The following LPP variants were observed in gnomAD, a reference collection of about 807,000 sequenced individuals.
LPP encodes lipoma-preferred partner.
In LPP, 38 loss-of-function variants were observed where a neutral mutation model predicts 60.4. That is an observed-to-expected ratio of 0.63 (90% CI 0.49 to 0.83). The LOEUF is 0.83. LPP is among the 40% of genes least tolerant of loss of function. LPP has a pLI of 0.00. For missense variants in LPP, 902 were observed against 783.6 expected (o/e 1.15, Z -1.80); for synonymous variants, 328 against 290.8 (o/e 1.13, Z -1.30).
At chr3:188,713,653 C>T (rs1254775) in intron 8 of LPP, among the ~76,000 whole-genome samples, 151,814 of 152,300 alleles carry the variant, frequency 1, 75,664 homozygotes, top group Non-Finnish European at 1. Context: ...GACAGATATA[C>T]GTAGACAAAC....
chr3:188,224,313 G>A (rs2149310846), intron 1 of LPP, among the ~76,000 whole-genome samples: 1 of 152,222 alleles, frequency 6.6e-6, no homozygotes, highest in Admixed American at 6.5e-5. Context: ...TGTATGATTG[G>A]CTAGGTAATG....
intron 9 of LPP, among the ~76,000 whole-genome samples, chr3:188,800,472 C>G (rs1336638271): frequency 6.6e-6 from 1 of 152,008 alleles, no homozygotes; most frequent in Non-Finnish European, 1.5e-5. Context: ...GTCTCCATCT[C>G]CTGACCTCGT....
chr3:188,818,234 CT>C (rs570926174), intron 9 of LPP, among the ~76,000 whole-genome samples: 192 of 152,178 alleles, frequency 1.3e-3, no homozygotes, highest in African/African-American at 4.4e-3. Context: ...ATTAATCCTC[CT>C]TTTTTTCCCC....
chr3:188,278,454 T>C (rs1420924522), intron 2 of LPP, among the ~76,000 whole-genome samples: 1 of 152,214 alleles, frequency 6.6e-6, no homozygotes, highest in Admixed American at 6.5e-5. Flanking sequence ...AGACCTGCTG[T>C]GTGTGCTATA....
chr3:188,556,245 A>T (rs79587620), intron 6 of LPP, among the ~76,000 whole-genome samples: 2,919 of 152,202 alleles, frequency 0.019, 89 homozygotes, highest in African/African-American at 0.063. Flanking sequence ...AGGGCTCTGG[A>T]GTTGCCCTGT....
intron 3 of LPP, among the ~76,000 whole-genome samples, chr3:188,404,591 G>A (rs1374817289): frequency 1.3e-5 from 2 of 152,088 alleles, no homozygotes; most frequent in Non-Finnish European, 1.5e-5. Context: ...AGGCGATGCC[G>A]TTCAAAGTCA....
rs376579887 is a variant in LPP, at chr3:188,485,594, G to A, written c.306+890G>A. ...GGGCGGATCACGAGGTCAGGAGATC[G>A]AGACCATCCCGGCTAAAACGGTGAA... On this transcript the variant is annotated intron_variant, in intron 5 of 11. Transcript: ENST00000617246. 5.3e-4 allele frequency among the ~76,000 whole-genome samples: 81 copies of A among 151,664 alleles called. 2 individuals carry two copies. The highest frequency in any genetic ancestry group is 1.9e-3 in the African/African-American group (77 of 41,330).
intron 4 of LPP, among the ~76,000 whole-genome samples, chr3:188,451,235 T>C (rs577836043): frequency 6.6e-6 from 1 of 152,294 alleles, no homozygotes; most frequent in Admixed American, 6.5e-5. Flanking sequence ...TTTCCATACA[T>C]AGTAAACAGA....
chr3:188,521,346 C>T (rs138714212), intron 5 of LPP, among the ~76,000 whole-genome samples: 1 of 152,190 alleles, frequency 6.6e-6, no homozygotes, highest in Non-Finnish European at 1.5e-5. Flanking sequence ...TAATTGATGT[C>T]TTACAAGCAC....
intron 6 of LPP, among the ~76,000 whole-genome samples, chr3:188,577,266 C>G (rs1184945863): frequency 6.6e-6 from 1 of 152,112 alleles, no homozygotes; most frequent in Non-Finnish European, 1.5e-5. Context: ...CTGACAATAA[C>G]AAATTATTCT....
intron 6 of LPP, among the ~76,000 whole-genome samples, chr3:188,592,977 T>C (rs1255357464): frequency 1.3e-5 from 2 of 152,186 alleles, no homozygotes; most frequent in Non-Finnish European, 2.9e-5. Context: ...AGTTGAACTC[T>C]CCTCTTACAA....
chr3:188,436,203 T>C (rs960557403), intron 4 of LPP, among the ~76,000 whole-genome samples: 2 of 152,196 alleles, frequency 1.3e-5, no homozygotes, highest in Admixed American at 6.5e-5. Flanking sequence ...CCACTGACTA[T>C]AGTGTTGTGA....
chr3:188,450,161 G>C (rs116214563), intron 4 of LPP, among the ~76,000 whole-genome samples: 1 of 152,084 alleles, frequency 6.6e-6, no homozygotes, highest in African/African-American at 2.4e-5. Context: ...CATATTATTC[G>C]TGTGAGTTAG....
intron 4 of LPP, among the ~76,000 whole-genome samples, chr3:188,411,973 G>GTTTC (rs549466310): frequency 5.3e-5 from 8 of 149,844 alleles, no homozygotes; most frequent in African/African-American, 1.5e-4. Context: ...CTCTTTCTCT[G>GTTTC]TCTCTCTCTC....
intron 8 of LPP, among the ~76,000 whole-genome samples, chr3:188,716,423 A>C (rs1048770622): frequency 6.6e-6 from 1 of 152,218 alleles, no homozygotes; most frequent in African/African-American, 2.4e-5. Context: ...ACAGAACAAA[A>C]AAAACAATGA....
chr3:188,500,614 G>C (rs1324263207), intron 5 of LPP, among the ~76,000 whole-genome samples: 3 of 152,098 alleles, frequency 2.0e-5, no homozygotes, highest in Admixed American at 2.0e-4. Flanking sequence ...TTTTTGGAAA[G>C]ATTTGAGGAT....
intron 3 of LPP, among the ~76,000 whole-genome samples, chr3:188,388,850 T>C (rs187770603): frequency 8.1e-4 from 123 of 152,322 alleles, no homozygotes; most frequent in Non-Finnish European, 1.5e-3. Context: ...TTTTAGGCTT[T>C]GTAGGCCAGA....
intron 5 of LPP, among the ~76,000 whole-genome samples, chr3:188,509,275 T>C (rs1167971178): frequency 6.6e-6 from 1 of 152,186 alleles, no homozygotes; most frequent in Admixed American, 6.5e-5. Flanking sequence ...AGTGGACACA[T>C]GATTTCTACT....
intron 1 of LPP, among the ~76,000 whole-genome samples, chr3:188,159,188 C>A (rs766730655): frequency 6.6e-6 from 1 of 152,170 alleles, no homozygotes; most frequent in Admixed American, 6.5e-5. Flanking sequence ...TTTGATCTCA[C>A]GGCTCCGGTA....
Sources: gnomAD v4.1 joint callset for allele counts (sites outside exome capture counted in the v4.1 genomes callset) on GRCh38, gnomAD v4.1.1 for gene constraint, MANE v1.5 for transcripts, NCBI Gene and HGNC (gene_info 2026-07-23, HGNC 2026-07-21) for gene names.